ZNF407: variants seen among roughly 807,000 people sequenced by gnomAD.
The protein encoded by ZNF407 is zinc finger protein 407.
Under a neutral mutation model 131.2 loss-of-function variants are expected in ZNF407, and 17 were observed. The ratio of observed to expected loss-of-function variants is 0.13; its 90% CI spans 0.09 to 0.19. The LOEUF (loss-of-function observed/expected upper bound fraction) is 0.19, where lower values mean the gene tolerates loss of function less well. Among genes scored for constraint, ZNF407 ranks in the 10% least tolerant of loss-of-function variants. The pLI, the probability that ZNF407 is intolerant of heterozygous loss-of-function variation, is 1.00. For missense variants in ZNF407, 2,681 were observed against 2,830.6 expected (o/e 0.95, Z 1.20); for synonymous variants, 1,156 against 1,062.0 (o/e 1.09, Z -1.72).
chr18:74,929,928 TAC>T (rs1452582302), intron 8 of ZNF407, among the ~76,000 whole-genome samples: 2 of 152,238 alleles, frequency 1.3e-5, no homozygotes, highest in African/African-American at 4.8e-5. Flanking sequence ...GCAGAAATAG[TAC>T]AGAGAGTTCC....
At chr18:74,875,504 C>T (rs1417134046) in intron 4 of ZNF407, among the ~76,000 whole-genome samples, 1 of 152,080 alleles carries the variant, frequency 6.6e-6, no homozygotes, top group African/African-American at 2.4e-5. Flanking sequence ...TCTACTTAAC[C>T]TCCTTATTTG....
chr18:74,673,777 A>G (rs990768961), intron 3 of ZNF407, among the ~76,000 whole-genome samples: 3 of 152,218 alleles, frequency 2.0e-5, no homozygotes, highest in Non-Finnish European at 4.4e-5. Context: ...TTTCACTGTA[A>G]TTTAAATATC....
chr18:75,048,656 C>CT lies in ZNF407; in HGVS notation c.5429-14491dup, dbSNP rs1380365405. Among the ~76,000 whole-genome samples the CT allele has an allele frequency of 2.3e-4, 35 of 152,152 alleles. No homozygotes were observed. Among genetic ancestry groups the CT allele is most frequent in the Admixed American group, 1.0e-3 (16 of 15,280 alleles). ...TGAGCCAATGACTGGAATCCTGACA[C>CT]TTTCTGTCTTTAAAAAAATCAACTA... On this transcript the variant is annotated intron_variant, in intron 8 of 8. Coordinates refer to ENST00000299687, the MANE Select transcript of ZNF407 (RefSeq NM_017757.3). The surrounding 1 kb of genome is among the most constrained non-coding windows in gnomAD (Gnocchi z 4.1).
intron 3 of ZNF407, among the ~76,000 whole-genome samples, chr18:74,719,132 C>T (rs1967965392): frequency 6.6e-6 from 1 of 150,872 alleles, no homozygotes; most frequent in African/African-American, 2.4e-5. Flanking sequence ...GTGATCAGAT[C>T]AGGTTAATTA....
intron 3 of ZNF407, among the ~76,000 whole-genome samples, chr18:74,762,971 G>A (rs530768310): frequency 1.3e-5 from 2 of 152,132 alleles, no homozygotes; most frequent in Admixed American, 1.3e-4. Context: ...TAAATCTAAA[G>A]TGATTGGATT....
intron 3 of ZNF407, among the ~76,000 whole-genome samples, chr18:74,777,016 C>T (rs1349028836): frequency 6.6e-6 from 1 of 152,030 alleles, no homozygotes; most frequent in Non-Finnish European, 1.5e-5. Flanking sequence ...AAAATCGTAG[C>T]AGAAGTGGAC....
chr18:75,016,836 G>A (rs1228163214), intron 8 of ZNF407, among the ~76,000 whole-genome samples: 1 of 152,046 alleles, frequency 6.6e-6, no homozygotes, highest in East Asian at 1.9e-4. Flanking sequence ...ATTTATCAAA[G>A]TATGTCAGAA....
At chr18:74,876,764 G>A (rs140567041) in intron 4 of ZNF407, among the ~76,000 whole-genome samples, 28 of 152,284 alleles carry the variant, frequency 1.8e-4, no homozygotes, top group African/African-American at 3.8e-4. Flanking sequence ...CTGCAAGGCC[G>A]CCGGGTGCAT....
Position 74,601,305 on chromosome 18 carries a change from TTGTGTGTGTGTGTGTGTGTATGTCTG to T in ZNF407, c.-54+3388_-54+3413del, listed in dbSNP as rs972262184. Reference sequence around the variant, plus strand: ...CTGCAGCCTTGGTTCCTTCAGTTAGTTGTGTGTGTGTGTGTGTGTATGTCTGTGTGTGTGTGTGTGTGTGTGTGTGT... The same window carrying T: ...CTGCAGCCTTGGTTCCTTCAGTTAGTTGTGTGTGTGTGTGTGTGTGTGTGT... On this transcript the variant is annotated intron_variant, in intron 1 of 8. Transcript: ENST00000299687. Among the ~76,000 whole-genome samples, 63 of 141,258 alleles carry T rather than the reference TTGTGTGTGTGTGTGTGTGTATGTCTG, an allele frequency of 4.5e-4. No individual in the cohort carries two copies. The East Asian group carries it at 0.012, about 26-fold the overall frequency. The allele number at this position is 141,258 out of a possible 152,430, so 92.7% of individuals were successfully genotyped here.
intron 6 of ZNF407, among the ~76,000 whole-genome samples, 162 bp downstream of exon 6, chr18:74,881,281 A>G (rs1971234484): frequency 6.6e-6 from 1 of 152,232 alleles, no homozygotes; most frequent in African/African-American, 2.4e-5. Context: ...AAAATTTTAA[A>G]TCATCTCTTT....
At chr18:74,792,879 G>C (rs1434482935) in intron 4 of ZNF407, among the ~76,000 whole-genome samples, 1 of 152,194 alleles carries the variant, frequency 6.6e-6, no homozygotes, top group Non-Finnish European at 1.5e-5. Flanking sequence ...CACGTCAATT[G>C]TGGAGCAGTT....
At chr18:74,742,433 G>T (rs190227483) in intron 3 of ZNF407, among the ~76,000 whole-genome samples, 129 of 152,252 alleles carry the variant, frequency 8.5e-4, no homozygotes, top group Non-Finnish European at 1.3e-3. Context: ...TGACGTTGCT[G>T]ACTTCAGTTG....
intron 1 of ZNF407, among the ~76,000 whole-genome samples, chr18:74,630,641 T>A (rs2144658875): frequency 6.6e-6 from 1 of 152,222 alleles, no homozygotes; most frequent in East Asian, 1.9e-4. Context: ...CTTCTCTTTT[T>A]GTTTTTTTTT....
At chr18:75,021,283 A>G (rs1973107039) in intron 8 of ZNF407, among the ~76,000 whole-genome samples, 1 of 151,848 alleles carries the variant, frequency 6.6e-6, no homozygotes, top group Non-Finnish European at 1.5e-5. Flanking sequence ...AAAAAAAAAT[A>G]ATAAAGACAG....
intron 3 of ZNF407, among the ~76,000 whole-genome samples, chr18:74,676,044 T>C (rs1986343471): frequency 6.6e-6 from 1 of 152,186 alleles, no homozygotes; most frequent in Non-Finnish European, 1.5e-5. Context: ...TTCTACTACT[T>C]CTGAATCACT....
At chr18:74,613,173 T>G (rs373728079) in intron 1 of ZNF407, among the ~76,000 whole-genome samples, 27 of 152,340 alleles carry the variant, frequency 1.8e-4, no homozygotes, top group African/African-American at 6.5e-4. Flanking sequence ...ATCATACTTC[T>G]TTGCTTAGGC....
At chr18:74,647,182 C>T (rs1202173922) in intron 3 of ZNF407, among the ~76,000 whole-genome samples, 4 of 151,756 alleles carry the variant, frequency 2.6e-5, no homozygotes, top group Admixed American at 6.6e-5. Context: ...GTGGCTCATG[C>T]CTGTAATCCC....
chr18:74,989,165 G>A (rs988894768), intron 8 of ZNF407, among the ~76,000 whole-genome samples: 2 of 152,228 alleles, frequency 1.3e-5, no homozygotes, highest in African/African-American at 2.4e-5. Context: ...ACATGGATGC[G>A]CCTCAGCAAT....
At chr18:74,887,110 T>C (rs1209861184) in intron 6 of ZNF407, among the ~76,000 whole-genome samples, 1 of 152,184 alleles carries the variant, frequency 6.6e-6, no homozygotes, top group African/African-American at 2.4e-5. Flanking sequence ...GTGTGGATGT[T>C]CATATGATTT....
Sources: gnomAD v4.1 joint callset for allele counts (sites outside exome capture counted in the v4.1 genomes callset) on GRCh38, gnomAD v4.1.1 for gene constraint, Gnocchi (gnomAD v3.1) non-coding constraint, MANE v1.5 for transcripts, NCBI Gene and HGNC (gene_info 2026-07-23, HGNC 2026-07-21) for gene names.